Variants in METTL15 observed in about 807,000 individuals in gnomAD.
METTL15 encodes the protein methyltransferase 15, mitochondrial 12S rRNA N4-cytidine, also known as 12S rRNA N(4)-cytidine methyltransferase METTL15.
In METTL15, 34 loss-of-function variants were observed where a neutral mutation model predicts 38.3. That is an observed-to-expected ratio of 0.89 (90% CI 0.68 to 1.18). The LOEUF (loss-of-function observed/expected upper bound fraction) is 1.18. Among genes scored for constraint, METTL15 ranks in the 50% most tolerant of loss-of-function variants. The pLI is 0.00. For missense variants in METTL15, 438 were observed against 498.4 expected (o/e 0.88, Z 1.15); for synonymous variants, 162 against 170.9 (o/e 0.95, Z 0.41).
chr11:28,117,398 A>T (rs549186503), intron 3 of METTL15, among the ~76,000 whole-genome samples: 1 of 151,894 alleles, frequency 6.6e-6, no homozygotes, highest in Non-Finnish European at 1.5e-5. Flanking sequence ...TTAGTTTATT[A>T]AACCCTAGTA....
intron 3 of METTL15, among the ~76,000 whole-genome samples, chr11:28,161,147 G>C (rs903216669): frequency 7.8e-6 from 1 of 128,374 alleles, no homozygotes; most frequent in Admixed American, 1.0e-4. Flanking sequence ...TTTTGAGACT[G>C]TGTCTTGCTG....
chr11:28,117,901 A>T (rs1228247502), intron 3 of METTL15, among the ~76,000 whole-genome samples: 1 of 152,146 alleles, frequency 6.6e-6, no homozygotes, highest in Non-Finnish European at 1.5e-5. Context: ...TTCCTTTTCA[A>T]ACTATGAGTC....
intron 4 of METTL15, among the ~76,000 whole-genome samples, chr11:28,360,710 C>T (rs933836509): frequency 2.0e-5 from 3 of 151,360 alleles, no homozygotes; most frequent in East Asian, 1.9e-4. Context: ...GACAATGTAC[C>T]GGTTAGTTAC....
At chr11:28,194,868 T>C (rs1352287760) in intron 3 of METTL15, among the ~76,000 whole-genome samples, 1 of 151,776 alleles carries the variant, frequency 6.6e-6, no homozygotes, top group Non-Finnish European at 1.5e-5. Flanking sequence ...CTCCGTCTTC[T>C]GAGTTTCCAG....
intron 3 of METTL15, among the ~76,000 whole-genome samples, chr11:28,185,618 C>T (rs904373074): frequency 1.3e-5 from 2 of 151,226 alleles, no homozygotes; most frequent in Admixed American, 1.3e-4. Flanking sequence ...GTTCTTTAAT[C>T]CACTTAGAAG....
intron 4 of METTL15, among the ~76,000 whole-genome samples, chr11:28,359,394 G>T (rs1287526522): frequency 1.3e-5 from 2 of 152,190 alleles, no homozygotes; most frequent in Non-Finnish European, 2.9e-5. Flanking sequence ...ATGAGTGCAT[G>T]TATTTTTTTG....
intron 4 of METTL15, among the ~76,000 whole-genome samples, chr11:28,216,744 C>T (rs1852896350): frequency 8.2e-6 from 1 of 121,844 alleles, no homozygotes; most frequent in African/African-American, 3.1e-5. Context: ...CCAGTGTATG[C>T]TATTCCCCTT....
At chr11:28,110,740 T>C (rs1295429139) in intron 2 of METTL15, among the ~76,000 whole-genome samples, 3 of 152,214 alleles carry the variant, frequency 2.0e-5, no homozygotes, top group Non-Finnish European at 4.4e-5. Flanking sequence ...ACTGCAATGA[T>C]TATAATTGTT....
At chr11:28,114,532 C>T (rs899203439) in intron 3 of METTL15, among the ~76,000 whole-genome samples, 1 of 151,224 alleles carries the variant, frequency 6.6e-6, no homozygotes, top group Non-Finnish European at 1.5e-5. Context: ...CTCACTGCAA[C>T]CCCCGCCTCC....
intron 3 of METTL15, among the ~76,000 whole-genome samples, chr11:28,122,814 T>C (rs1198505971): frequency 3.9e-5 from 6 of 151,996 alleles, no homozygotes; most frequent in Admixed American, 2.0e-4. Context: ...AACAACTTAT[T>C]CAATTATTTT....
intron 4 of METTL15, among the ~76,000 whole-genome samples, chr11:28,225,647 G>A (rs1007335867): frequency 6.6e-6 from 1 of 151,302 alleles, no homozygotes; most frequent in African/African-American, 2.4e-5. Flanking sequence ...GAAAACGTTT[G>A]ATATTTATAA....
intron 6 of METTL15, among the ~76,000 whole-genome samples, chr11:28,489,787 T>C (rs2133480739): frequency 6.6e-6 from 1 of 152,296 alleles, no homozygotes; most frequent in South Asian, 2.1e-4. Flanking sequence ...TTAGTCACTT[T>C]GCAAAGAATT....
intron 4 of METTL15, among the ~76,000 whole-genome samples, chr11:28,238,275 G>A (rs565231808): frequency 1.6e-3 from 239 of 152,268 alleles, no homozygotes; most frequent in Non-Finnish European, 2.5e-3. Flanking sequence ...CGAGCTTCCC[G>A]GCTGCTTTGT....
intron 3 of METTL15, among the ~76,000 whole-genome samples, chr11:28,150,312 A>G (rs1181754035): frequency 1.3e-5 from 2 of 151,382 alleles, no homozygotes; most frequent in Non-Finnish European, 3.0e-5. Context: ...TCTGTTGCCT[A>G]TTTTCTATAT....
chr11:28,418,229 C>T lies in METTL15; in HGVS notation c.*359-6070C>T, dbSNP rs959743771. 3.9e-5 allele frequency among the ~76,000 whole-genome samples: 6 copies of T among 152,272 alleles called. No individual in the cohort carries two copies. In the East Asian group the frequency reaches 5.8e-4, roughly 15 times the overall value. On this transcript the variant is annotated intron_variant and NMD_transcript_variant, in intron 5 of 7. Coordinates refer to the METTL15 transcript ENST00000532947. ...AACTGGGAAACCAGACAATCACGCT[C>T]GTTAAACTTGTGCCTAAAATACAAG...
At chr11:28,367,873 T>G (rs975681846) in intron 5 of METTL15, among the ~76,000 whole-genome samples, 1 of 151,910 alleles carries the variant, frequency 6.6e-6, no homozygotes, top group Non-Finnish European at 1.5e-5. Context: ...TAAATGATGT[T>G]GGGAAAACTG....
intron 3 of METTL15, among the ~76,000 whole-genome samples, chr11:28,130,803 TA>T (rs1852735389): frequency 6.6e-6 from 1 of 152,234 alleles, no homozygotes; most frequent in South Asian, 2.1e-4. Flanking sequence ...TATTCTTGGT[TA>T]AGTTTCTTTT....
At chr11:28,527,705 A>G (rs1851821487), downstream of METTL15, among the ~76,000 whole-genome samples, 1 of 152,234 alleles carries the variant, frequency 6.6e-6, no homozygotes, top group African/African-American at 2.4e-5. Flanking sequence ...TCCCCAAGGA[A>G]GTGATAATTG....
chr11:28,287,142 G>T (rs11030269), intron 4 of METTL15: 22,337 of 146,412 alleles, frequency 0.15, 1,857 homozygotes, highest in Non-Finnish European at 0.19. Flanking sequence ...TATATATATA[G>T]AGAGAGAGAG....
Sources: allele counts gnomAD v4.1 joint callset (sites outside exome capture counted in the v4.1 genomes callset), GRCh38; gene constraint gnomAD v4.1.1; transcripts MANE v1.5; gene names NCBI Gene and HGNC (gene_info 2026-07-23, HGNC 2026-07-21).